The following WDR75 variants were observed in gnomAD, a reference collection of about 807,000 sequenced individuals.
The protein encoded by WDR75 is WD repeat domain 75.
A neutral mutation model predicts 106.1 loss-of-function variants in WDR75; 52 were observed. The ratio of observed to expected loss-of-function variants is 0.49; its 90% CI spans 0.39 to 0.62. The LOEUF is 0.62. Among genes scored for constraint, WDR75 ranks in the 20% least tolerant of loss-of-function variants. WDR75 has a pLI of 0.00. For synonymous variants in WDR75, 333 were observed against 335.5 expected, an observed-to-expected ratio of 0.99 and a Z score of 0.08; for missense variants, 905 against 970.3, an observed-to-expected ratio of 0.93 and a Z score of 0.89.
chr2:189,459,466 T>C (rs373693281), intron 8 of WDR75, 42 bp downstream of exon 8: 12 of 1,527,466 alleles, frequency 7.9e-6, no homozygotes, highest in Middle Eastern at 1.7e-4. Context: ...TTTGAAGATA[T>C]GATTCAAGTG....
In WDR75 at chr2:189,463,842, G is replaced by A. The variant is rs773090847; in HGVS notation, c.998-4G>A. On this transcript the variant is annotated splice_polypyrimidine_tract_variant and splice_region_variant and intron_variant, in intron 10 of 20. Coordinates refer to ENST00000314761, the MANE Select transcript of WDR75 (RefSeq NM_032168.3). ...TCACCTGTTATTTGTCACCACTTCT[G>A]CAGATAGGAGTATCTTCACTGGTTT... The A allele has an allele frequency of 3.1e-6, 5 of 1,613,716 alleles. No homozygotes were observed. Among genetic ancestry groups the A allele is most frequent in the East Asian group, 2.2e-5 (1 of 44,858 alleles).
At chr2:189,471,327 C>T (rs1687114944) in intron 18 of WDR75, among the ~76,000 whole-genome samples, 1 of 152,094 alleles carries the variant, frequency 6.6e-6, no homozygotes, top group African/African-American at 2.4e-5. Flanking sequence ...ATCAGCACTC[C>T]CTGCATATAC....
intron 14 of WDR75, 134 bp downstream of exon 14, chr2:189,467,782 T>C: frequency 1.3e-6 from 1 of 780,452 alleles, no homozygotes; most frequent in Non-Finnish European, 1.9e-6. Flanking sequence ...ATCAAAATGC[T>C]GGAAAGCCAA....
chr2:189,468,398 C>A (rs190108547), intron 14 of WDR75, 77 bp from the exon 15 acceptor site: 1 of 1,318,844 alleles, frequency 7.6e-7, no homozygotes, highest in South Asian at 1.2e-5. Context: ...ATAGAACAGC[C>A]GCTGGAAGCC....
intron 2 of WDR75, chr2:189,448,944 C>T (rs1686559614): frequency 1.1e-5 from 5 of 457,602 alleles, no homozygotes; most frequent in Non-Finnish European, 2.3e-5. Flanking sequence ...TAGATATGTT[C>T]CTTTAGAAGT....
intron 2 of WDR75, 124 bp downstream of exon 2, chr2:189,448,632 AG>A: frequency 7.6e-7 from 1 of 1,319,964 alleles, no homozygotes; most frequent in Non-Finnish European, 1.1e-6. Context: ...TTTCAGTTGT[AG>A]GGTATTTTCC....
At chr2:189,462,375 T>G in intron 8 of WDR75, 109 bp from the exon 9 acceptor site, 7 of 1,211,130 alleles carry the variant, frequency 5.8e-6, no homozygotes, top group African/African-American at 1.5e-5. Context: ...TAGCTTTAAA[T>G]GAGTTTATTT....
chr2:189,467,984 C>T (rs1687038389), intron 14 of WDR75, among the ~76,000 whole-genome samples: 3 of 152,152 alleles, frequency 2.0e-5, no homozygotes, highest in Admixed American at 1.3e-4. Context: ...TATGCGCCAA[C>T]CTCATTGTTT....
chr2:189,448,624 T>G, intron 2 of WDR75, 116 bp downstream of exon 2: 2 of 1,363,890 alleles, frequency 1.5e-6, no homozygotes, highest in Non-Finnish European at 2.0e-6. Flanking sequence ...TTGCTTATTT[T>G]CAGTTGTAGG....
intron 8 of WDR75, among the ~76,000 whole-genome samples, chr2:189,461,425 T>G (rs1686880994): frequency 6.6e-6 from 1 of 152,196 alleles, no homozygotes; most frequent in South Asian, 2.1e-4. Context: ...GTATTTTAAT[T>G]TGTAATCATA....
rs1686865552 is a variant in WDR75 at position 189,460,873 on chromosome 2, A to C, written c.778+1449A>C. On this transcript the variant is annotated intron_variant, in intron 8 of 20. Transcript: ENST00000314761. ...TTTTTAAATGAGAAATAATGGTTAC[A>C]GTACATAGTTGTCAGTGAAATGTCC... 2.6e-5 allele frequency among the ~76,000 whole-genome samples: 4 copies of C among 152,220 alleles called. No homozygotes were observed. The South Asian group carries it at 8.3e-4, about 31-fold the overall frequency.
At chr2:189,458,546 T>G (rs1423084430) in intron 6 of WDR75, among the ~76,000 whole-genome samples, 1 of 152,192 alleles carries the variant, frequency 6.6e-6, no homozygotes, top group East Asian at 1.9e-4. Context: ...ATGAAGTTCA[T>G]GTTGTATATT....
At chr2:189,468,770 C>A (rs961576867) in intron 15 of WDR75, among the ~76,000 whole-genome samples, 1 of 152,166 alleles carries the variant, frequency 6.6e-6, no homozygotes, top group African/African-American at 2.4e-5. Context: ...ATTGTTGGTA[C>A]GTCAGCTTCC....
chr2:189,454,704 T>C lies in WDR75; in HGVS notation c.374-616T>C, dbSNP rs576737345. Among the ~76,000 whole-genome samples, 9 of 152,040 alleles carry C rather than the reference T, an allele frequency of 5.9e-5. No individual in the cohort carries two copies. In the East Asian group the frequency reaches 1.6e-3, roughly 26 times the overall value. On this transcript the variant is annotated intron_variant, in intron 4 of 20. Transcript: ENST00000314761. ...GCCTGGCTAATTTTTTGTATTTTTT[T>C]AGTAGAGACAGGGTTTCACCGTGTT...
At chr2:189,447,622 TG>T (rs1686527997) in intron 1 of WDR75, among the ~76,000 whole-genome samples, 1 of 152,196 alleles carries the variant, frequency 6.6e-6, no homozygotes, top group South Asian at 2.1e-4. Context: ...TGGCTGTTTT[TG>T]CAGGATAATT....
intron 13 of WDR75, among the ~76,000 whole-genome samples, chr2:189,467,254 T>TG (rs1687022122): frequency 6.7e-6 from 1 of 149,544 alleles, no homozygotes; most frequent in African/African-American, 2.5e-5. Context: ...TATACTGTAA[T>TG]AAAAAGTGAA....
intron 5 of WDR75, 114 bp downstream of exon 5, chr2:189,455,558 G>T: frequency 7.5e-7 from 1 of 1,330,244 alleles, no homozygotes; most frequent in East Asian, 2.3e-5. Context: ...TACTATATTT[G>T]TATTAGTAAC....
intron 17 of WDR75, 138 bp downstream of exon 17, chr2:189,470,383 C>A: frequency 1.1e-6 from 1 of 874,456 alleles, no homozygotes; most frequent in African/African-American, 1.7e-5. Flanking sequence ...GTCTAATATG[C>A]TCAGTACAGC....
At chr2:189,451,451 G>A (rs1447225488) in intron 3 of WDR75, among the ~76,000 whole-genome samples, 1 of 152,154 alleles carries the variant, frequency 6.6e-6, no homozygotes, top group Non-Finnish European at 1.5e-5. Flanking sequence ...TTTACCCAAT[G>A]AGAGTTAAAA....
Sources: gnomAD v4.1 joint callset for allele counts (sites outside exome capture counted in the v4.1 genomes callset) on GRCh38, gnomAD v4.1.1 for gene constraint, MANE v1.5 for transcripts, NCBI Gene and HGNC (gene_info 2026-07-23, HGNC 2026-07-21) for gene names.